The following UQCC1 variants were observed in gnomAD, a reference collection of about 807,000 sequenced individuals.
The protein encoded by UQCC1 is ubiquinol-cytochrome c reductase complex assembly factor 1, also known as bFGF-repressed Zic-binding protein.
In UQCC1, 38 loss-of-function variants were observed where a neutral mutation model predicts 48.0. The observed-to-expected ratio is 0.79, with a 90% CI of 0.61 to 1.04. The LOEUF (loss-of-function observed/expected upper bound fraction) is 1.04. Among genes scored for constraint, UQCC1 ranks in the 50% least tolerant of loss-of-function variants. UQCC1 has a pLI of 0.00. For missense variants in UQCC1, 368 were observed against 381.8 expected (o/e 0.96, Z 0.30); for synonymous variants, 111 against 129.2 (o/e 0.86, Z 0.95).
rs1555804444 is a variant in UQCC1, at chr20:35,331,400, T to TTA, written c.573+15763_573+15764insTA. On this transcript the variant is annotated intron_variant, in intron 7 of 9. Transcript: ENST00000374385. The stretch of plus-strand genomic sequence containing the variant: ...AGAAGTATTACAGCAGACAGTTATT[T>TTA]AAAAAAAAAAAAAAAAGCTACGGTG... 3.0e-4 allele frequency among the ~76,000 whole-genome samples: 41 copies of TTA among 134,446 alleles called. No homozygotes were observed. The East Asian group carries it at 7.9e-3, about 26-fold the overall frequency. 88.2% of individuals were successfully genotyped at this position (134,446 alleles called of 152,430 possible).
chr20:35,384,112 G>C lies in UQCC1; in HGVS notation c.151C>G (p.Arg51Gly). The change falls in exon 3 of 10, where the codon CGA (arginine) becomes GGA (glycine). Residue 51 changes from arginine (R) to glycine (G), a missense_variant. Transcript: ENST00000374385. Reference protein sequence around the residue: ...TSQWPQMSQSRACGGSEQIPG... With the variant: ...TSQWPQMSQSGACGGSEQIPG... ...ATCTGTTCTGATCCACCACATGCTC[G>C]GGACTGGCTCATCTGGGGCCACTGA... The C allele has an allele frequency of 6.2e-7, 1 of 1,612,600 alleles. No individual in the cohort carries two copies. The highest frequency in any genetic ancestry group is 8.5e-7 in the Non-Finnish European group (1 of 1,178,806).
intron 1 of UQCC1, among the ~76,000 whole-genome samples, chr20:35,407,076 AC>A (rs2062262440): frequency 6.6e-6 from 1 of 152,218 alleles, no homozygotes; most frequent in Non-Finnish European, 1.5e-5. Flanking sequence ...AAGAAAACTT[AC>A]GGGAATGGCT....
At chr20:35,385,168 T>C (rs1385305965) in intron 2 of UQCC1, among the ~76,000 whole-genome samples, 5 of 152,040 alleles carry the variant, frequency 3.3e-5, no homozygotes. Context: ...TCAGTGGCCA[T>C]GGAAAACTTA....
At position 35,314,748 on chromosome 20, in the gene UQCC1, C is replaced by A; in HGVS notation, c.591G>T (p.Leu197=). Residue 197 remains leucine (L), a synonymous_variant, in exon 8 of 10, where the codon CTG becomes CTT. Coordinates refer to ENST00000374385, the MANE Select transcript of UQCC1 (RefSeq NM_018244.5). The part of the protein sequence containing the change: ...GRVMGVNPYI[L]KKNMILMTNH... ...TTGTCATGAGGATCATGTTCTTCTT[C>A]AGGATATAGGGATTAACCTACAGAA... 6.2e-7 allele frequency: 1 copy of A among 1,606,986 alleles called. No homozygotes were observed. Among genetic ancestry groups the A allele is most frequent in the South Asian group, 1.1e-5 (1 of 90,438 alleles).
chr20:35,394,177 G>T lies in UQCC1; in HGVS notation c.44C>A (p.Ser15Tyr). Reference protein sequence around the residue: ...VRVLRNQTSISQWVPVCSRLI... With the variant: ...VRVLRNQTSIYQWVPVCSRLI... ...TCGGCTGCATACTGGAACCCACTGA[G>T]AAATGCTAGTCTGGTTCCTCTAAAG... The change falls in exon 2 of 10, where the codon TCT (serine) becomes TAT (tyrosine). Residue 15 changes from serine (S) to tyrosine (Y), a missense_variant. Transcript: ENST00000374385. 6.2e-7 allele frequency: 1 copy of T among 1,613,990 alleles called. No homozygotes were observed. The highest frequency in any genetic ancestry group is 8.5e-7 in the Non-Finnish European group (1 of 1,179,920).
At chr20:35,371,512 T>C (rs62211529) in intron 5 of UQCC1, among the ~76,000 whole-genome samples, 79,001 of 151,026 alleles carry the variant, frequency 0.52, 22,330 homozygotes, top group East Asian at 0.72. Flanking sequence ...TAATTTTTAG[T>C]AGAGGGTGGG....
intron 8 of UQCC1, 38 bp from the exon 9 acceptor site, chr20:35,306,817 C>A (rs760159074): frequency 6.6e-7 from 1 of 1,512,776 alleles, no homozygotes; most frequent in Non-Finnish European, 9.2e-7. Context: ...CCTGAGGGAT[C>A]CACAGAGCCA....
chr20:35,388,295 T>G (rs2061970959), intron 2 of UQCC1, among the ~76,000 whole-genome samples: 1 of 4,976 alleles, frequency 2.0e-4, no homozygotes, highest in Admixed American at 2.1e-3. Flanking sequence ...CTATTTCTTT[T>G]TTTCTTTTTT....
intron 6 of UQCC1, among the ~76,000 whole-genome samples, chr20:35,357,256 C>G (rs921233611): frequency 2.6e-5 from 4 of 152,168 alleles, no homozygotes; most frequent in African/African-American, 9.7e-5. Context: ...CGCAGTGGCT[C>G]ACGCCTGTAA....
chr20:35,349,268 C>CA (rs2061464384), intron 6 of UQCC1, among the ~76,000 whole-genome samples: 1 of 152,112 alleles, frequency 6.6e-6, no homozygotes, highest in African/African-American at 2.4e-5. Flanking sequence ...AACCATGAAC[C>CA]AAAAATACTT....
At chr20:35,384,248 C>T in intron 2 of UQCC1, 115 bp from the exon 3 acceptor site, 1 of 889,640 alleles carries the variant, frequency 1.1e-6, no homozygotes, top group South Asian at 1.6e-5. Context: ...AGCCCACTTC[C>T]CCGTGATCAG....
chr20:35,359,488 G>C (rs1343529696), intron 6 of UQCC1, among the ~76,000 whole-genome samples: 1 of 152,176 alleles, frequency 6.6e-6, no homozygotes, highest in Non-Finnish European at 1.5e-5. Flanking sequence ...AAATCTGGGA[G>C]GGAAGATTCT....
intron 5 of UQCC1, among the ~76,000 whole-genome samples, chr20:35,371,273 T>C (rs2061726568): frequency 6.6e-6 from 1 of 151,972 alleles, no homozygotes; most frequent in Admixed American, 6.6e-5. Context: ...TTCTAAGAAA[T>C]TTCTGAGTTA....
chr20:35,351,450 T>G (rs1244662642), intron 6 of UQCC1, among the ~76,000 whole-genome samples: 4 of 151,488 alleles, frequency 2.6e-5, no homozygotes, highest in South Asian at 2.1e-4. Flanking sequence ...GAAAAAAGAT[T>G]TGGCTACTTT....
chr20:35,399,552 A>G (rs146334398), intron 1 of UQCC1, among the ~76,000 whole-genome samples: 30 of 152,146 alleles, frequency 2.0e-4, no homozygotes, highest in Middle Eastern at 6.8e-3. Context: ...TATAAGCTCA[A>G]TTGCTTCAAG....
chr20:35,308,832 A>C (rs913980054), intron 8 of UQCC1, among the ~76,000 whole-genome samples: 1 of 152,202 alleles, frequency 6.6e-6, no homozygotes, highest in African/African-American at 2.4e-5. Flanking sequence ...CTCTTGCCTC[A>C]GCCTCCCAAG....
chr20:35,384,966 C>CAAAAAAAAAAAAAAAAAAAAAAA (rs57141083), intron 2 of UQCC1, among the ~76,000 whole-genome samples: 1 of 69,762 alleles, frequency 1.4e-5, no homozygotes, highest in African/African-American at 6.3e-5. Flanking sequence ...GAATCGGTCT[C>CAAAAAAAAAAAAAAAAAAAAAAA]AAAAAAAAAA....
At chr20:35,374,109 A>G in intron 5 of UQCC1, 75 bp downstream of exon 5, 1 of 1,189,498 alleles carries the variant, frequency 8.4e-7, no homozygotes, top group African/African-American at 1.5e-5. Flanking sequence ...AAAAAAACCT[A>G]TCCTATTAAA....
chr20:35,392,277 C>A (rs1044669411), intron 2 of UQCC1: 1 of 1,304,350 alleles, frequency 7.7e-7, no homozygotes, highest in Non-Finnish European at 1.0e-6. Flanking sequence ...AACCAGGGGA[C>A]CTCAAAGATA....
Sources: allele counts gnomAD v4.1 joint callset (sites outside exome capture counted in the v4.1 genomes callset), GRCh38; gene constraint gnomAD v4.1.1; transcripts MANE v1.5; gene names NCBI Gene and HGNC (gene_info 2026-07-23, HGNC 2026-07-21).